SLC4A4: variants seen among roughly 807,000 people sequenced by gnomAD.
SLC4A4 encodes electrogenic sodium bicarbonate cotransporter 1.
In SLC4A4, 27 loss-of-function variants were observed where a neutral mutation model predicts 111.5. The observed-to-expected ratio is 0.24, with a 90% CI of 0.18 to 0.33. The LOEUF (loss-of-function observed/expected upper bound fraction) is 0.33. Among genes scored for constraint, SLC4A4 ranks in the 10% least tolerant of loss-of-function variants. The pLI is 1.00. For synonymous variants in SLC4A4, 443 were observed against 463.4 expected (o/e 0.96, Z 0.57); for missense variants, 909 against 1,315.5 (o/e 0.69, Z 4.78).
intron 1 of SLC4A4, among the ~76,000 whole-genome samples, chr4:71,191,019 C>T (rs975156515): frequency 6.6e-6 from 1 of 152,142 alleles, no homozygotes. Flanking sequence ...ACTTTCAGTA[C>T]AGTATTCAAT....
rs187395951 is a variant in SLC4A4, at chr4:71,216,470, A to G, written c.-1-20106A>G. On this transcript the variant is annotated intron_variant, in intron 1 of 25. Coordinates refer to ENST00000264485, the MANE Select transcript of SLC4A4 (RefSeq NM_001098484.3). ...GCTGGCCCATTTCCATGCCTCAGCC[A>G]TGTGCCCAGTTAGTCCTCTGACTAT... is the stretch of plus-strand genomic sequence containing the variant. 1.1e-3 allele frequency among the ~76,000 whole-genome samples: 174 copies of G among 152,294 alleles called. 1 individual carries two copies. The highest frequency in any genetic ancestry group is 4.0e-3 in the African/African-American group (166 of 41,580).
At chr4:71,107,298 G>A (rs998815632) in intron 2 of SLC4A4, among the ~76,000 whole-genome samples, 9 of 151,888 alleles carry the variant, frequency 5.9e-5, no homozygotes, top group Non-Finnish European at 1.2e-4. Context: ...TATCTTTTTT[G>A]TCCTTCATTT....
intron 2 of SLC4A4, among the ~76,000 whole-genome samples, chr4:71,117,132 G>T (rs371977306): frequency 6.6e-6 from 1 of 151,972 alleles, no homozygotes; most frequent in African/African-American, 2.4e-5. Flanking sequence ...GTGCACCACC[G>T]TGAGTGGCTA....
intron 2 of SLC4A4, among the ~76,000 whole-genome samples, chr4:71,106,942 AAAT>A: frequency 6.6e-6 from 1 of 151,522 alleles, no homozygotes; most frequent in South Asian, 2.1e-4. Flanking sequence ...ATAAATAAAT[AAAT>A]AATAAGAAAA....
intron 16 of SLC4A4, among the ~76,000 whole-genome samples, chr4:71,508,589 A>T (rs908912795): frequency 1.3e-5 from 2 of 152,174 alleles, no homozygotes; most frequent in Non-Finnish European, 2.9e-5. Flanking sequence ...TAGACCAATA[A>T]TGAGTTCTGA....
intron 1 of SLC4A4, among the ~76,000 whole-genome samples, chr4:71,230,905 T>C (rs897851204): frequency 6.6e-6 from 1 of 152,206 alleles, no homozygotes; most frequent in African/African-American, 2.4e-5. Flanking sequence ...GTTTACAAAG[T>C]AGCTGCAATC....
intron 1 of SLC4A4, among the ~76,000 whole-genome samples, chr4:71,083,728 C>T (rs1286393588): frequency 6.6e-6 from 1 of 151,830 alleles, no homozygotes; most frequent in African/African-American, 2.4e-5. Context: ...GCTTGAATTC[C>T]AGCTTCACTC....
intron 15 of SLC4A4, among the ~76,000 whole-genome samples, chr4:71,497,237 T>C (rs1184935171): frequency 1.3e-5 from 2 of 152,152 alleles, no homozygotes; most frequent in Non-Finnish European, 2.9e-5. Context: ...GTGGTTTCTA[T>C]TGAACAAGTG....
At chr4:71,440,842 A>G in intron 8 of SLC4A4, 69 bp downstream of exon 8, 1 of 1,526,036 alleles carries the variant, frequency 6.6e-7, no homozygotes, top group Non-Finnish European at 9.1e-7. Context: ...CAGGCTGGAG[A>G]ATCAATAGAA....
At position 71,497,699 on chromosome 4, in the gene SLC4A4, A is replaced by T; in HGVS notation, c.2166+7A>T. The T allele has an allele frequency of 6.2e-7, 1 of 1,606,314 alleles. No individual in the cohort carries two copies. The highest frequency in any genetic ancestry group is 8.5e-7 in the Non-Finnish European group (1 of 1,173,178). ...TCCTTATTTTCCAACCACAGTAAGTACCTGAACTTTAAATGATTTTCATTG... is the reference window on the plus strand; with the variant it reads ...TCCTTATTTTCCAACCACAGTAAGTTCCTGAACTTTAAATGATTTTCATTG... On this transcript the variant is annotated splice_region_variant and intron_variant, in intron 16 of 25. Transcript: ENST00000264485.
At position 71,486,978 on chromosome 4, in the gene SLC4A4, T is replaced by G. The variant is rs1199175072; in HGVS notation, c.1934T>G (p.Leu645Arg). The part of the protein sequence containing the change: ...ANISISNDTT[L>R]APEYLPTMSS... ...ATCTCAATATCTAATGACACCACACTGGCCCCAGAGTATTTGCCAACTATG... is the reference window on the plus strand; with the variant it reads ...ATCTCAATATCTAATGACACCACACGGGCCCCAGAGTATTTGCCAACTATG... The change falls in exon 15 of 26, where the codon CTG (leucine) becomes CGG (arginine). Residue 645 changes from leucine (L) to arginine (R), a missense_variant. By Grantham distance (102) the Leu-to-Arg change is moderately radical. Transcript: ENST00000264485. The G allele has an allele frequency of 3.7e-6, 6 of 1,602,982 alleles. No homozygotes were observed. The highest frequency in any genetic ancestry group is 2.6e-6 in the Non-Finnish European group (3 of 1,171,786).
At chr4:71,209,339 A>G (rs1441806834) in intron 1 of SLC4A4, among the ~76,000 whole-genome samples, 2 of 152,226 alleles carry the variant, frequency 1.3e-5, no homozygotes, top group East Asian at 1.9e-4. Flanking sequence ...CTAATGTGTA[A>G]CAGTCTACTG....
intron 1 of SLC4A4, among the ~76,000 whole-genome samples, chr4:71,202,337 T>C (rs1746295711): frequency 6.6e-6 from 1 of 152,204 alleles, no homozygotes; most frequent in African/African-American, 2.4e-5. Context: ...CTAATTCCCT[T>C]GGACAGTTTT....
At chr4:71,474,903 G>A (rs1407089076) in intron 14 of SLC4A4, among the ~76,000 whole-genome samples, 1 of 151,642 alleles carries the variant, frequency 6.6e-6, no homozygotes, top group East Asian at 2.0e-4. Flanking sequence ...TCAATTAAAT[G>A]TGCTCCCCAG....
At position 71,253,458 on chromosome 4, in the gene SLC4A4, T is replaced by C. The variant is rs569123507; in HGVS notation, c.74-1762T>C. ...TTTAATAAGGTGAATAGAAAATATT[T>C]AATGTGATAGGTTTAAAAAAATTTT... On this transcript the variant is annotated intron_variant, in intron 2 of 25. Coordinates refer to ENST00000264485, the MANE Select transcript of SLC4A4 (RefSeq NM_001098484.3). 1.2e-4 allele frequency among the ~76,000 whole-genome samples: 18 copies of C among 152,326 alleles called. 1 individual carries two copies. The highest frequency in any genetic ancestry group is 4.3e-4 in the African/African-American group (18 of 41,578).
chr4:71,450,317 T>G, intron 9 of SLC4A4, 72 bp from the exon 10 acceptor site: 2 of 1,082,686 alleles, frequency 1.8e-6, no homozygotes, highest in Non-Finnish European at 2.9e-6. Flanking sequence ...GCTGCATTCT[T>G]CAGGCTTGAT....
At chr4:71,465,363 T>C (rs554588921) in intron 12 of SLC4A4, among the ~76,000 whole-genome samples, 1 of 151,930 alleles carries the variant, frequency 6.6e-6, no homozygotes, top group Non-Finnish European at 1.5e-5. Flanking sequence ...GCTTCATGTA[T>C]GAATAAAGGG....
intron 6 of SLC4A4, among the ~76,000 whole-genome samples, chr4:71,362,842 T>C (rs1303886160): frequency 6.6e-6 from 1 of 152,174 alleles, no homozygotes; most frequent in East Asian, 1.9e-4. Context: ...GGCTGGCTCC[T>C]AGGCTTCTTG....
chr4:71,240,524 A>C (rs1039971801), intron 2 of SLC4A4, among the ~76,000 whole-genome samples: 2 of 152,146 alleles, frequency 1.3e-5, no homozygotes, highest in African/African-American at 2.4e-5. Flanking sequence ...TTCCATTCAA[A>C]ACTTAATGCA....
Sources: gnomAD v4.1 joint callset for allele counts (sites outside exome capture counted in the v4.1 genomes callset) on GRCh38, gnomAD v4.1.1 for gene constraint, MANE v1.5 for transcripts, NCBI Gene and HGNC (gene_info 2026-07-23, HGNC 2026-07-21) for gene names.